The following LINGO2 variants were observed in gnomAD, a reference collection of about 807,000 sequenced individuals.
LINGO2 encodes leucine rich repeat and Ig domain containing 2, also known as leucine-rich repeat and immunoglobulin-like domain-containing nogo receptor-interacting protein 2.
LINGO2 carries 14 observed loss-of-function variants against 30.6 expected under a neutral mutation model. The observed-to-expected ratio is 0.46, with a 90% CI of 0.30 to 0.72. LINGO2 has a LOEUF of 0.72. Among genes scored for constraint, LINGO2 ranks in the 30% least tolerant of loss-of-function variants. LINGO2 has a pLI of 0.07. For synonymous variants in LINGO2, 317 were observed against 288.5 expected (o/e 1.10, Z -1.00); for missense variants, 729 against 751.7 (o/e 0.97, Z 0.35).
chr9:28,780,798 G>A, the LINGO2 span, among the ~76,000 whole-genome samples: 78 of 151,414 alleles, frequency 5.2e-4, no homozygotes, highest in Non-Finnish European at 9.4e-4. Flanking sequence ...TTAACATAGC[G>A]GCTGGAATTT....
chr9:28,836,397 C>T, the LINGO2 span, among the ~76,000 whole-genome samples: 2 of 152,264 alleles, frequency 1.3e-5, no homozygotes. Flanking sequence ...TCACCACAAC[C>T]TCCACCTCCC....
intron 1 of LINGO2, among the ~76,000 whole-genome samples, chr9:28,649,377 C>A (rs1202833795): frequency 6.6e-6 from 1 of 152,014 alleles, no homozygotes; most frequent in African/African-American, 2.4e-5. Context: ...CATAACAGTT[C>A]TAAAATATAG....
intron 5 of LINGO2, among the ~76,000 whole-genome samples, chr9:27,999,627 C>A (rs1022244588): frequency 4.6e-5 from 7 of 152,116 alleles, no homozygotes; most frequent in Non-Finnish European, 7.4e-5. Flanking sequence ...GAGACTGCCA[C>A]CAGGTTTCTG....
rs556158050 is a variant in LINGO2 at position 28,389,274 on chromosome 9, CTT to C, written c.-278-16408_-278-16407del. On this transcript the variant is annotated intron_variant, in intron 2 of 5. Coordinates refer to ENST00000379992, the Ensembl canonical transcript of LINGO2. The stretch of plus-strand genomic sequence containing the variant: ...ATAAAATTATATATTTTATATGCCA[CTT>C]ATCAATGTATCTAGGAAGAGCTATG... 5.3e-4 allele frequency among the ~76,000 whole-genome samples: 81 copies of C among 152,076 alleles called. No individual in the cohort carries two copies. The South Asian group carries it at 7.3e-3, about 14-fold the overall frequency.
chr9:28,237,867 AAAAC>A (rs1336403125), intron 4 of LINGO2, among the ~76,000 whole-genome samples: 3 of 152,100 alleles, frequency 2.0e-5, no homozygotes, highest in African/African-American at 4.8e-5. Context: ...AACACACACA[AAAAC>A]AAACAAACAA....
the LINGO2 span, among the ~76,000 whole-genome samples, chr9:28,984,517 T>A: frequency 6.6e-6 from 1 of 152,062 alleles, no homozygotes; most frequent in Non-Finnish European, 1.5e-5. Context: ...CACAGGAATT[T>A]AACTGGATCA....
At chr9:28,188,810 C>A (rs1244631965) in intron 4 of LINGO2, among the ~76,000 whole-genome samples, 1 of 152,098 alleles carries the variant, frequency 6.6e-6, no homozygotes, top group East Asian at 1.9e-4. Context: ...GTCTTATAGG[C>A]TGCTGTGACA....
intron 5 of LINGO2, among the ~76,000 whole-genome samples, chr9:28,002,542 C>T (rs1822014831): frequency 1.3e-5 from 2 of 152,112 alleles, no homozygotes; most frequent in Admixed American, 1.3e-4. Flanking sequence ...TAAAATAGTT[C>T]AAATCATGCT....
chr9:28,411,019 G>A (rs1822740281), intron 2 of LINGO2, among the ~76,000 whole-genome samples: 3 of 152,050 alleles, frequency 2.0e-5, no homozygotes, highest in South Asian at 4.1e-4. Flanking sequence ...GAATTCACAG[G>A]TGCCTACCTC....
chr9:28,630,270 T>C (rs1826875568), intron 1 of LINGO2, among the ~76,000 whole-genome samples: 1 of 152,038 alleles, frequency 6.6e-6, no homozygotes, highest in African/African-American at 2.4e-5. Context: ...TTCAAATGAA[T>C]GCATCATCAG....
intron 4 of LINGO2, among the ~76,000 whole-genome samples, chr9:28,226,348 C>T (rs1051656121): frequency 2.5e-4 from 38 of 152,144 alleles, no homozygotes; most frequent in African/African-American, 8.4e-4. Flanking sequence ...CCCTGTATTC[C>T]TCTCCTCCTA....
chr9:28,644,180 C>G (rs984672159), intron 1 of LINGO2, among the ~76,000 whole-genome samples: 7 of 151,848 alleles, frequency 4.6e-5, no homozygotes, highest in Admixed American at 1.3e-4. Context: ...AGCAATTCCA[C>G]TACTGGATAT....
chr9:28,060,700 T>G (rs139889828), intron 4 of LINGO2, among the ~76,000 whole-genome samples: 2 of 152,172 alleles, frequency 1.3e-5, no homozygotes, highest in Non-Finnish European at 2.9e-5. Flanking sequence ...TGCAAAGAAG[T>G]GTAATAGAAT....
chr9:28,876,407 C>A, the LINGO2 span, among the ~76,000 whole-genome samples: 3 of 149,160 alleles, frequency 2.0e-5, no homozygotes, highest in Non-Finnish European at 4.4e-5. Context: ...CCACTCCCCG[C>A]ACCCAACAAC....
At chr9:29,101,247 T>A in the LINGO2 span, among the ~76,000 whole-genome samples, 1 of 152,090 alleles carries the variant, frequency 6.6e-6, no homozygotes, top group Admixed American at 6.5e-5. Context: ...TCAAAGGAAC[T>A]CCTAGGTCTG....
the LINGO2 span, among the ~76,000 whole-genome samples, chr9:28,931,535 G>A: frequency 3.1e-3 from 473 of 152,236 alleles, 4 homozygotes; most frequent in African/African-American, 9.7e-3. Flanking sequence ...ATAATCTGGG[G>A]CTGTACTTTC....
intron 4 of LINGO2, among the ~76,000 whole-genome samples, chr9:28,160,637 A>T (rs1828259777): frequency 6.6e-6 from 1 of 152,086 alleles, no homozygotes; most frequent in Non-Finnish European, 1.5e-5. Context: ...TAACTACTTC[A>T]TTCTTCTACA....
At chr9:28,764,524 T>C in the LINGO2 span, among the ~76,000 whole-genome samples, 1 of 151,882 alleles carries the variant, frequency 6.6e-6, no homozygotes, top group Non-Finnish European at 1.5e-5. Flanking sequence ...AAAGGCCATA[T>C]CTAAGCCCAC....
intron 4 of LINGO2, among the ~76,000 whole-genome samples, chr9:28,233,413 A>T (rs1821443883): frequency 1.3e-5 from 2 of 152,136 alleles, no homozygotes; most frequent in South Asian, 4.1e-4. Flanking sequence ...GCCATTAGTG[A>T]GGTATTTCTG....
Sources: gnomAD v4.1 joint callset for allele counts (sites outside exome capture counted in the v4.1 genomes callset) on GRCh38, gnomAD v4.1.1 for gene constraint, MANE v1.5 for transcripts, NCBI Gene and HGNC (gene_info 2026-07-23, HGNC 2026-07-21) for gene names.